Variants in ELL2 observed in about 807,000 individuals in gnomAD.
ELL2 encodes elongation factor for RNA polymerase II 2.
ELL2 carries 21 observed loss-of-function variants against 72.8 expected under a neutral mutation model. The observed-to-expected ratio is 0.29, with a 90% CI of 0.20 to 0.42. ELL2 has a LOEUF of 0.42. Ranked by LOEUF, ELL2 falls within the 10% of genes least tolerant of loss-of-function variation. The pLI is 1.00. For synonymous variants in ELL2, 266 were observed against 283.2 expected (o/e 0.94, Z 0.61); for missense variants, 568 against 772.8 (o/e 0.73, Z 3.14).
Position 95,898,327 on chromosome 5 carries a change from T to G in ELL2, c.1438A>C (p.Ile480Leu). 2.5e-6 allele frequency: 4 copies of G among 1,613,758 alleles called. No homozygotes were observed. Among genetic ancestry groups the G allele is most frequent in the Non-Finnish European group, 3.4e-6 (4 of 1,179,860 alleles). The stretch of plus-strand genomic sequence containing the variant: ...TCCTCCTTTTCCTCAATAGTCTCAA[T>G]GTCGTGCTTTTTTATTTGGTCCTTT... ...KEKDQIKKHD[I>L]ETIEEKEEDL... Residue 480 changes from isoleucine (I) to leucine (L), a missense_variant, in exon 8 of 12, where the codon ATT becomes CTT. This residue lies in a region of ELL2 where 511 missense variants were observed against 728.4 expected (regional missense o/e 0.70). Transcript: ENST00000237853.
In ELL2 at chr5:95,888,139, G is replaced by A. The variant is rs903596124; in HGVS notation, c.*732C>T. 4 of 152,534 alleles carry A rather than the reference G, an allele frequency of 2.6e-5. No homozygotes were observed. Among genetic ancestry groups the A allele is most frequent in the African/African-American group, 9.7e-5 (4 of 41,396 alleles). 9.4% of individuals were successfully genotyped at this position (152,534 alleles called of 1,614,324 possible). A position where few individuals can be genotyped will look rare whatever the true frequency, so the allele number is the denominator to read the frequency against. Reference sequence around the variant, plus strand: ...GATCGAGCACACACTTCCAGATGCTGGTAGGCCACAGTATGCTTCCCATTG... The same window carrying A: ...GATCGAGCACACACTTCCAGATGCTAGTAGGCCACAGTATGCTTCCCATTG... On this transcript the variant is annotated 3_prime_UTR_variant, in exon 12 of 12. Transcript: ENST00000237853.
intron 9 of ELL2, among the ~76,000 whole-genome samples, chr5:95,893,305 T>G (rs1183928872): frequency 6.6e-6 from 1 of 152,240 alleles, no homozygotes; most frequent in African/African-American, 2.4e-5. Context: ...ATAGCTTAAC[T>G]ACAAGTAAAA....
At chr5:95,900,491 A>AGC in intron 7 of ELL2, 1 of 396,038 alleles carries the variant, frequency 2.5e-6, no homozygotes, top group South Asian at 1.1e-4. Context: ...TACTCTGACA[A>AGC]GCAGTGCTGT....
intron 1 of ELL2, among the ~76,000 whole-genome samples, chr5:95,955,405 C>T (rs1228760486): frequency 9.9e-5 from 15 of 152,190 alleles, no homozygotes; most frequent in African/African-American, 3.4e-4. Flanking sequence ...CATGCAAATG[C>T]CAGTTTTGGT....
rs967838547 is a variant in ELL2, at chr5:95,887,977, G to GA, written c.*893dup. On this transcript the variant is annotated 3_prime_UTR_variant, in exon 12 of 12. Coordinates refer to ENST00000237853, the MANE Select transcript of ELL2 (RefSeq NM_012081.6). ...CAACAAAAGTAGCAATTTGATAGAAGAAAAAAAACAAAAAAACAAAAAAAC... is the reference window on the plus strand; with the variant it reads ...CAACAAAAGTAGCAATTTGATAGAAGAAAAAAAAACAAAAAAACAAAAAAAC... 21 of 151,854 alleles carry GA rather than the reference G, an allele frequency of 1.4e-4. No individual in the cohort carries two copies. The South Asian group carries it at 4.2e-3, about 30-fold the overall frequency. 9.4% of individuals were successfully genotyped at this position (151,854 alleles called of 1,614,324 possible).
intron 2 of ELL2, among the ~76,000 whole-genome samples, chr5:95,941,146 C>T (rs915649040): frequency 6.6e-6 from 1 of 152,164 alleles, no homozygotes; most frequent in African/African-American, 2.4e-5. Flanking sequence ...ATCTACTCTA[C>T]CAAATCCAAT....
intron 3 of ELL2, among the ~76,000 whole-genome samples, chr5:95,914,838 C>T (rs1158356093): frequency 6.6e-6 from 1 of 151,764 alleles, no homozygotes; most frequent in East Asian, 1.9e-4. Context: ...GAATGAGACC[C>T]CATCTCAAAA....
chr5:95,914,960 C>T (rs1749730572), intron 3 of ELL2, among the ~76,000 whole-genome samples: 1 of 152,192 alleles, frequency 6.6e-6, no homozygotes, highest in Non-Finnish European at 1.5e-5. Context: ...ATCATGGTCA[C>T]AGTCATAACT....
chr5:95,924,425 T>C (rs2112318466), intron 2 of ELL2, among the ~76,000 whole-genome samples: 1 of 152,274 alleles, frequency 6.6e-6, no homozygotes, highest in South Asian at 2.1e-4. Flanking sequence ...TGGAAGACCA[T>C]TCCTTTGTGA....
At chr5:95,918,629 T>TA (rs1401331248) in intron 3 of ELL2, among the ~76,000 whole-genome samples, 1 of 152,206 alleles carries the variant, frequency 6.6e-6, no homozygotes, top group Non-Finnish European at 1.5e-5. Context: ...GTCACAGAGA[T>TA]ACGCTGGTCT....
intron 1 of ELL2, among the ~76,000 whole-genome samples, chr5:95,956,969 A>G (rs534453759): frequency 6.6e-6 from 1 of 152,350 alleles, no homozygotes; most frequent in East Asian, 1.9e-4. Flanking sequence ...GACAAGAGAA[A>G]GTGTTAGCAG....
At chr5:95,935,611 A>G (rs530119702) in intron 2 of ELL2, among the ~76,000 whole-genome samples, 3 of 152,176 alleles carry the variant, frequency 2.0e-5, no homozygotes, top group Admixed American at 6.5e-5. Flanking sequence ...TTTTGTTCCA[A>G]TTCTCCAATG....
In ELL2 at chr5:95,906,726, T is replaced by C. The variant is rs1224467706; in HGVS notation, c.538A>G (p.Arg180Gly). ...PQAVSDTVPERKRSTPMNPAN... is the reference protein window; with the variant it reads ...PQAVSDTVPEGKRSTPMNPAN... ...GGGTTCATGGGGGTTGACCTTTTCC[T>C]CTCAGGAACTGTATCTGAAACAGCT... Residue 180 changes from arginine to glycine, a missense_variant, in exon 5 of 12, where the codon AGG becomes GGG. Arg to Gly is a moderately radical substitution (Grantham distance 125). This residue lies in a region of ELL2 where 511 missense variants were observed against 728.4 expected (regional missense o/e 0.70). Transcript: ENST00000237853. The C allele has an allele frequency of 1.2e-6, 2 of 1,613,970 alleles. No individual in the cohort carries two copies. Among genetic ancestry groups the C allele is most frequent in the Non-Finnish European group, 1.7e-6 (2 of 1,179,902 alleles).
rs957168441 is a variant in ELL2, at chr5:95,886,639, C to T, written c.*2232G>A. ...ATGCAAAGGGGAAAAGTGATTTGCACCTGCTGACATGATGGACATTAAAAA... is the reference window on the plus strand; with the variant it reads ...ATGCAAAGGGGAAAAGTGATTTGCATCTGCTGACATGATGGACATTAAAAA... On this transcript the variant is annotated 3_prime_UTR_variant, in exon 12 of 12. Transcript: ENST00000237853. 2 of 150,156 alleles carry T rather than the reference C, an allele frequency of 1.3e-5. No individual in the cohort carries two copies. The highest frequency in any genetic ancestry group is 2.9e-5 in the Non-Finnish European group (2 of 67,830). 9.3% of individuals were successfully genotyped at this position (150,156 alleles called of 1,614,324 possible).
intron 1 of ELL2, among the ~76,000 whole-genome samples, chr5:95,955,336 C>A (rs1751589610): frequency 6.6e-6 from 1 of 152,178 alleles, no homozygotes; most frequent in Admixed American, 6.5e-5. Flanking sequence ...ATTCATGAAT[C>A]TTCAAGGAGC....
chr5:95,891,168 C>T lies in ELL2; in HGVS notation c.1696G>A (p.Ala566Thr). 1 of 1,614,138 alleles carries T rather than the reference C, an allele frequency of 6.2e-7. No individual in the cohort carries two copies. Among genetic ancestry groups the T allele is most frequent in the African/African-American group, 1.3e-5 (1 of 75,020 alleles). The stretch of plus-strand genomic sequence containing the variant: ...GCATCTAGTTTGATAAATCTTCTAG[C>T]TACAGTCTCCATCCTGGCATGCAAA... ...RALHARMETV[A>T]RRFIKLDAQR... is the part of the protein sequence containing the mutation. Residue 566 changes from alanine to threonine, a missense_variant, in exon 10 of 12, where the codon GCT becomes ACT. Around this residue, in one of 2 missense-constraint regions of ELL2, gnomAD observed 511 missense variants for 728.4 expected, o/e 0.70. Coordinates refer to ENST00000237853, the MANE Select transcript of ELL2 (RefSeq NM_012081.6).
chr5:95,902,447 C>T (rs957512738), intron 5 of ELL2, among the ~76,000 whole-genome samples: 2 of 152,188 alleles, frequency 1.3e-5, no homozygotes, highest in African/African-American at 4.8e-5. Flanking sequence ...GCGGCTTAGC[C>T]ATTAACTAAC....
At position 95,926,977 on chromosome 5, in the gene ELL2, T is replaced by G. The variant is rs551403042; in HGVS notation, c.196-7432A>C. 1.2e-3 allele frequency among the ~76,000 whole-genome samples: 176 copies of G among 152,294 alleles called. 1 individual carries two copies. The highest frequency in any genetic ancestry group is 4.0e-3 in the African/African-American group (168 of 41,564). ...TGGCTCTCTTAATATGGCTTCTCTA[T>G]TAATATGAAATTAGCCTTCTAAATG... On this transcript the variant is annotated intron_variant, in intron 2 of 11. Transcript: ENST00000237853.
chr5:95,906,862 G>C (rs1463708964), intron 4 of ELL2, 80 bp from the exon 5 acceptor site: 3 of 1,362,488 alleles, frequency 2.2e-6, no homozygotes, highest in Non-Finnish European at 2.9e-6. Context: ...TTCTGATTTA[G>C]GTACCTCTTC....
Sources: gnomAD v4.1 joint callset for allele counts (sites outside exome capture counted in the v4.1 genomes callset) on GRCh38, gnomAD v4.1.1 for gene constraint, gnomAD v4.1.1 regional missense constraint, MANE v1.5 for transcripts, NCBI Gene and HGNC (gene_info 2026-07-23, HGNC 2026-07-21) for gene names.